EYA4: variants seen among roughly 807,000 people sequenced by gnomAD.
The protein encoded by EYA4 is protein phosphatase EYA4.
A neutral mutation model predicts 87.9 loss-of-function variants in EYA4; 31 were observed. That is an observed-to-expected ratio of 0.35 (90% CI 0.27 to 0.48). EYA4 has a LOEUF of 0.48. EYA4 is among the 20% of genes least tolerant of loss of function. EYA4 has a pLI of 0.99. For missense variants in EYA4, 678 were observed against 761.4 expected, an observed-to-expected ratio of 0.89 and a Z score of 1.29; for synonymous variants, 263 against 270.6, an observed-to-expected ratio of 0.97 and a Z score of 0.28.
chr6:133,506,076 T>C, intron 13 of EYA4, 30 bp from the exon 14 acceptor site: 1 of 1,301,516 alleles, frequency 7.7e-7, no homozygotes, highest in Non-Finnish European at 1.1e-6. Flanking sequence ...ACTGAAATTT[T>C]ACCTCATTAT....
chr6:133,317,439 T>A (rs1047989881), intron 2 of EYA4, among the ~76,000 whole-genome samples: 1 of 152,216 alleles, frequency 6.6e-6, no homozygotes, highest in African/African-American at 2.4e-5. Context: ...AACATACTTA[T>A]GATTTTATTA....
At chr6:133,293,505 A>G (rs1404503988) in intron 2 of EYA4, among the ~76,000 whole-genome samples, 1 of 152,178 alleles carries the variant, frequency 6.6e-6, no homozygotes, top group Non-Finnish European at 1.5e-5. Context: ...TAGGAGGGAC[A>G]TTATCCCACT....
rs71742184 is a variant in EYA4, at chr6:133,517,533, C to CA, written c.1616+2111dup. On this transcript the variant is annotated intron_variant, in intron 17 of 19. Transcript: ENST00000355286. ...CAGAATGCAGAAAAGCCTGACAGGGCAAAAAAAAAAAAAGTTAATATTAAG... is the reference window on the plus strand; with the variant it reads ...CAGAATGCAGAAAAGCCTGACAGGGCAAAAAAAAAAAAAAGTTAATATTAAG... Among the ~76,000 whole-genome samples, 372 of 134,486 alleles carry CA rather than the reference C, an allele frequency of 2.8e-3. 2 individuals are homozygous for CA. The highest frequency in any genetic ancestry group is 6.3e-3 in the African/African-American group (224 of 35,806). The allele number at this position is 134,486 out of a possible 152,430, so 88.2% of individuals were successfully genotyped here.
At chr6:133,458,202 G>C (rs1481193267) in intron 6 of EYA4, among the ~76,000 whole-genome samples, 1 of 152,072 alleles carries the variant, frequency 6.6e-6, no homozygotes, top group Non-Finnish European at 1.5e-5. Context: ...TGTCCAGTAA[G>C]GTAGCCACCA....
chr6:133,335,410 G>T (rs1336519), intron 2 of EYA4, among the ~76,000 whole-genome samples: 24,216 of 152,104 alleles, frequency 0.16, 2,421 homozygotes, highest in East Asian at 0.43. Context: ...TTTGTTCAAC[G>T]GATATTTATT....
intron 2 of EYA4, among the ~76,000 whole-genome samples, chr6:133,346,853 A>G (rs2128417368): frequency 6.6e-6 from 1 of 152,282 alleles, no homozygotes; most frequent in South Asian, 2.1e-4. Flanking sequence ...TATGATGCAG[A>G]CCAGCTTTCT....
intron 13 of EYA4, among the ~76,000 whole-genome samples, chr6:133,495,420 T>G (rs561021117): frequency 1.1e-3 from 165 of 148,474 alleles, no homozygotes; most frequent in Non-Finnish European, 1.4e-3. Context: ...AGAAATATAT[T>G]CATTTATTTA....
chr6:133,408,845 C>T (rs77962843), intron 3 of EYA4, among the ~76,000 whole-genome samples: 8,329 of 152,190 alleles, frequency 0.055, 682 homozygotes, highest in African/African-American at 0.17. Context: ...AAATTTGGGA[C>T]TAATATTGAG....
chr6:133,529,367 T>C lies in EYA4; in HGVS notation c.*562T>C, dbSNP rs1800869867. ...AAGTGGATGCAATTTTTCTTTCTTT[T>C]GTTGGGGAGGGGAATGGGAGGGGAA... On this transcript the variant is annotated 3_prime_UTR_variant, in exon 20 of 20. Coordinates refer to ENST00000355286, the MANE Select transcript of EYA4 (RefSeq NM_004100.5). 1.0e-6 allele frequency: 1 copy of C among 995,544 alleles called. No homozygotes were observed. Among genetic ancestry groups the C allele is most frequent in the African/African-American group, 1.7e-5 (1 of 57,386 alleles). 61.7% of individuals were successfully genotyped at this position (995,544 alleles called of 1,614,324 possible).
At chr6:133,266,262 T>C (rs1748117057) in intron 1 of EYA4, among the ~76,000 whole-genome samples, 1 of 152,102 alleles carries the variant, frequency 6.6e-6, no homozygotes, top group Non-Finnish European at 1.5e-5. Context: ...CACAAAAGAA[T>C]GCCATGTAAC....
chr6:133,459,685 A>G (rs1794208537), intron 6 of EYA4, among the ~76,000 whole-genome samples: 1 of 152,150 alleles, frequency 6.6e-6, no homozygotes, highest in Admixed American at 6.6e-5. Context: ...TGTGTAGTAG[A>G]ACAAAGAGTC....
chr6:133,523,724 CTGCT>C (rs1800387928), intron 18 of EYA4, among the ~76,000 whole-genome samples: 1 of 152,100 alleles, frequency 6.6e-6, no homozygotes, highest in Non-Finnish European at 1.5e-5. Context: ...TAGATGATAT[CTGCT>C]TGTGGAGCCA....
intron 2 of EYA4, among the ~76,000 whole-genome samples, chr6:133,353,468 T>C (rs1783787266): frequency 6.6e-6 from 1 of 152,158 alleles, no homozygotes; most frequent in Admixed American, 6.5e-5. Flanking sequence ...TTTTTGAACA[T>C]TTCTTGGCAA....
intron 1 of EYA4, among the ~76,000 whole-genome samples, chr6:133,260,074 T>A (rs1775673101): frequency 6.6e-6 from 1 of 152,168 alleles, no homozygotes; most frequent in Non-Finnish European, 1.5e-5. Flanking sequence ...GTGTGTATAT[T>A]TTTTTCGTGT....
chr6:133,282,511 A>G (rs1406067075), intron 2 of EYA4, among the ~76,000 whole-genome samples: 1 of 152,200 alleles, frequency 6.6e-6, no homozygotes, highest in Non-Finnish European at 1.5e-5. Flanking sequence ...ATTATCTTCT[A>G]TGAACTTCTA....
At chr6:133,254,243 T>C (rs979501503) in intron 1 of EYA4, among the ~76,000 whole-genome samples, 3 of 152,210 alleles carry the variant, frequency 2.0e-5, no homozygotes, top group African/African-American at 4.8e-5. Context: ...TTGATCTCTT[T>C]GGTTGCCTTC....
intron 2 of EYA4, among the ~76,000 whole-genome samples, chr6:133,362,946 G>T (rs1006649538): frequency 5.3e-5 from 8 of 152,178 alleles, no homozygotes; most frequent in African/African-American, 1.9e-4. Context: ...CTCCAAGTAT[G>T]CTGGGAAACT....
chr6:133,436,078 G>A (rs190358144), intron 3 of EYA4, among the ~76,000 whole-genome samples: 29 of 152,116 alleles, frequency 1.9e-4, no homozygotes, highest in African/African-American at 7.0e-4. Flanking sequence ...AATTAGCCAG[G>A]CGTGGTGGCA....
At chr6:133,347,915 G>A (rs1783319035) in intron 2 of EYA4, among the ~76,000 whole-genome samples, 1 of 152,096 alleles carries the variant, frequency 6.6e-6, no homozygotes. Context: ...AGCATTTCCT[G>A]GCTCACATTA....
Sources: gnomAD v4.1 joint callset for allele counts (sites outside exome capture counted in the v4.1 genomes callset) on GRCh38, gnomAD v4.1.1 for gene constraint, MANE v1.5 for transcripts, NCBI Gene and HGNC (gene_info 2026-07-23, HGNC 2026-07-21) for gene names.